Variants in PRRC2A observed in about 807,000 individuals in gnomAD.
PRRC2A encodes proline rich coiled-coil 2A.
Under a neutral mutation model 224.6 loss-of-function variants are expected in PRRC2A, and 59 were observed. That is an observed-to-expected ratio of 0.26 (90% CI 0.21 to 0.33). The LOEUF is 0.33. PRRC2A is among the 10% of genes least tolerant of loss of function. The pLI is 1.00. For missense variants in PRRC2A, 3,095 were observed against 2,880.7 expected (o/e 1.07, Z -1.70); for synonymous variants, 1,194 against 1,109.5 (o/e 1.08, Z -1.51).
intron 2 of PRRC2A, among the ~76,000 whole-genome samples, 197 bp from the exon 3 acceptor site, chr6:31,623,535 G>A (rs1233818048): frequency 1.3e-5 from 2 of 152,106 alleles, no homozygotes; most frequent in Admixed American, 6.5e-5. Flanking sequence ...CCAAAGTGCT[G>A]GGATTGCAAA....
At position 31,630,694 on chromosome 6, in the gene PRRC2A, T is replaced by A; in HGVS notation, c.2358T>A (p.Asp786Glu). Reference sequence around the variant, plus strand: ...GGGAACGGGGCACTCCACCGGTGGATCCAAAGTTGGCCTGGGTAGGAGATG... The same window carrying A: ...GGGAACGGGGCACTCCACCGGTGGAACCAAAGTTGGCCTGGGTAGGAGATG... ...MLRERGTPPV[D>E]PKLAWVGDVF... is the part of the protein sequence containing the mutation. Residue 786 changes from aspartate (D) to glutamate (E), a missense_variant, in exon 15 of 31, where the codon GAT becomes GAA. Physicochemically the swap from Asp to Glu is conservative, Grantham distance 45 (BLOSUM62 2). Coordinates refer to ENST00000376033, the MANE Select transcript of PRRC2A (RefSeq NM_004638.4). The A allele has an allele frequency of 6.2e-7, 1 of 1,614,044 alleles. No individual in the cohort carries two copies. Among genetic ancestry groups the A allele is most frequent in the Non-Finnish European group, 8.5e-7 (1 of 1,180,010 alleles).
chr6:31,628,103 G>C lies in PRRC2A; in HGVS notation c.1629G>C (p.Glu543Asp), dbSNP rs1430186821. 1.9e-6 allele frequency: 3 copies of C among 1,613,076 alleles called. No individual in the cohort carries two copies. Among genetic ancestry groups the C allele is most frequent in the Non-Finnish European group, 2.5e-6 (3 of 1,179,970 alleles). ...APPPASAPTP[E>D]TEPEEPAQAP... Reference sequence around the variant, plus strand: ...CTCCAGCATCAGCCCCAACACCAGAGACAGAACCTGAAGAGCCAGCACAGG... The same window carrying C: ...CTCCAGCATCAGCCCCAACACCAGACACAGAACCTGAAGAGCCAGCACAGG... The change falls in exon 12 of 31, where the codon GAG becomes GAC. Residue 543 changes from glutamate (E) to aspartate (D), a missense_variant. Physicochemically the swap from Glu to Asp is conservative, Grantham distance 45 (BLOSUM62 2). Around this residue, in one of 8 missense-constraint regions of PRRC2A, gnomAD observed 2,001 missense variants for 1,764.9 expected, o/e 1.13. Transcript: ENST00000376033.
Position 31,636,130 on chromosome 6 carries a change from G to C in PRRC2A, c.5625-79G>C, listed in dbSNP as rs146143170. 1 of 1,545,312 alleles carries C rather than the reference G, an allele frequency of 6.5e-7. No individual in the cohort carries two copies. Among genetic ancestry groups the C allele is most frequent in the Non-Finnish European group, 8.9e-7 (1 of 1,117,766 alleles). The stretch of plus-strand genomic sequence containing the variant: ...GGGAAGGGGAAGACACAGTTCTAGG[G>C]TACTAGAAGCTAGTGGACTTAAGGC... On this transcript the variant is annotated intron_variant, in intron 25 of 30. Coordinates refer to ENST00000376033, the MANE Select transcript of PRRC2A (RefSeq NM_004638.4). The surrounding 1 kb of genome is among the most constrained non-coding windows in gnomAD (Gnocchi z 4.3).
At chr6:31,622,603 T>C (rs1311855406) in intron 1 of PRRC2A, 87 bp from the exon 2 acceptor site, 2 of 555,082 alleles carry the variant, frequency 3.6e-6, no homozygotes, top group Non-Finnish European at 6.3e-6. Flanking sequence ...TTACATAGAC[T>C]GGAGGAAAAG....
At chr6:31,628,891 T>A in intron 12 of PRRC2A, 2 of 474,736 alleles carry the variant, frequency 4.2e-6, no homozygotes. Flanking sequence ...TGAAAACTAT[T>A]TCCTATAGGC....
Position 31,633,958 on chromosome 6 carries a change from G to A in PRRC2A, c.4688G>A (p.Arg1563Gln), listed in dbSNP as rs11538263. The A allele has an allele frequency of 0.039, 62,232 of 1,603,436 alleles. 1,379 individuals are homozygous for A. Among genetic ancestry groups the A allele is most frequent in the Non-Finnish European group, 0.045 (52,817 of 1,177,478 alleles). Reference protein sequence around the residue: ...VSPFPPKRRERPPRKPELLQE... With the variant: ...VSPFPPKRREQPPRKPELLQE... ...CCCTTTCCCCCTAAACGTCGGGAGC[G>A]GCCTCCCAGAAAACCAGAGCTGCTA... is the stretch of plus-strand genomic sequence containing the variant. Residue 1563 changes from arginine (R) to glutamine (Q), a missense_variant, in exon 18 of 31, where the codon CGG (arginine) becomes CAG (glutamine). Physicochemically the swap from Arg to Gln is conservative, Grantham distance 43. Transcript: ENST00000376033.
At chr6:31,623,088 A>G in intron 2 of PRRC2A, 187 bp downstream of exon 2, 1 of 763,376 alleles carries the variant, frequency 1.3e-6, no homozygotes, top group Non-Finnish European at 2.4e-6. Flanking sequence ...ATCCTCCTAC[A>G]AAGGCGTGTC....
In PRRC2A at chr6:31,635,403, T is replaced by C. The variant is rs1352261418; in HGVS notation, c.5311T>C (p.Leu1771=). Residue 1771 remains leucine, a synonymous_variant, in exon 23 of 31, where the codon TTA becomes CTA. Transcript: ENST00000376033. ...QFGTSDKDSD[L]RLVVGDSLKA... ...CTTCTTGTGATCACAGGACTCAGAC[T>C]TACGCCTAGTGGTAGGAGACAGCTT... 1 of 1,614,080 alleles carries C rather than the reference T, an allele frequency of 6.2e-7. No individual in the cohort carries two copies. The highest frequency in any genetic ancestry group is 2.2e-5 in the East Asian group (1 of 44,904).
intron 2 of PRRC2A, chr6:31,623,223 T>A: frequency 1.5e-6 from 1 of 645,412 alleles, no homozygotes; most frequent in Non-Finnish European, 2.9e-6. Context: ...GTATTGAATG[T>A]TACATATCTC....
chr6:31,633,236 G>A (rs1776888176), intron 16 of PRRC2A, 143 bp from the exon 17 acceptor site: 5 of 1,244,682 alleles, frequency 4.0e-6, no homozygotes, highest in Non-Finnish European at 4.5e-6. Context: ...GCATCTGTAT[G>A]CATAGGAATC....
rs1322035557 is a variant in PRRC2A, at chr6:31,635,548, A to G, written c.5374-34A>G. 1.9e-6 allele frequency: 3 copies of G among 1,611,378 alleles called. No individual in the cohort carries two copies. In the South Asian group the frequency reaches 3.3e-5, roughly 18 times the overall value. On this transcript the variant is annotated intron_variant, in intron 23 of 30. Transcript: ENST00000376033. ...GAGTGACCAGGGCGTCCAGGATGCC[A>G]GACATCCCTCTCCACGAGGCCTCTC... is the stretch of plus-strand genomic sequence containing the variant.
chr6:31,629,007 A>AG, intron 12 of PRRC2A, 137 bp from the exon 13 acceptor site: 7 of 879,012 alleles, frequency 8.0e-6, no homozygotes, highest in Non-Finnish European at 1.3e-5. Flanking sequence ...CTTAAATGGG[A>AG]GGGGCTTCAA....
rs545938957 is a variant in PRRC2A at position 31,631,966 on chromosome 6, C to A, written c.3293C>A (p.Pro1098His). 6.2e-7 allele frequency: 1 copy of A among 1,612,756 alleles called. No homozygotes were observed. Among genetic ancestry groups the A allele is most frequent in the Non-Finnish European group, 8.5e-7 (1 of 1,179,870 alleles). The change falls in exon 16 of 31, where the codon CCC (proline) becomes CAC (histidine). Residue 1098 changes from proline to histidine, a missense_variant. Physicochemically the swap from Pro to His is moderately conservative, Grantham distance 77. Around this residue, in one of 8 missense-constraint regions of PRRC2A, gnomAD observed 2,001 missense variants for 1,764.9 expected, o/e 1.13. Coordinates refer to ENST00000376033, the MANE Select transcript of PRRC2A (RefSeq NM_004638.4). This position sits in a 1 kb window ranked among gnomAD's most constrained non-coding sequence, Gnocchi z 4.5. The part of the protein sequence containing the change: ...RSEGSEYEEI[P>H]KRRRQRGSET... Reference sequence around the variant, plus strand: ...GAGGGTTCAGAGTATGAGGAAATCCCCAAGCGGCGCCGGCAGCGGGGCTCA... The same window carrying A: ...GAGGGTTCAGAGTATGAGGAAATCCACAAGCGGCGCCGGCAGCGGGGCTCA...
chr6:31,637,719 G>A lies in PRRC2A; in HGVS notation c.*133G>A, dbSNP rs1777733641. ...CTCCTCCCCCTTCCCCTGGTCCCCT[G>A]TCCCTGGGGCTGTTTGTTAAAAAAG... On this transcript the variant is annotated 3_prime_UTR_variant, in exon 31 of 31. Coordinates refer to ENST00000376033, the MANE Select transcript of PRRC2A (RefSeq NM_004638.4). 2.0e-6 allele frequency: 1 copy of A among 507,760 alleles called. No homozygotes were observed. The highest frequency in any genetic ancestry group is 3.3e-6 in the Non-Finnish European group (1 of 301,430). 31.5% of individuals were successfully genotyped at this position (507,760 alleles called of 1,614,324 possible).
intron 18 of PRRC2A, 74 bp downstream of exon 18, chr6:31,634,063 G>C: frequency 6.3e-7 from 1 of 1,581,442 alleles, no homozygotes; most frequent in East Asian, 2.2e-5. Context: ...TGTTTTCTCT[G>C]TTTTCTTTCC....
intron 9 of PRRC2A, among the ~76,000 whole-genome samples, chr6:31,626,512 G>T (rs186928898): frequency 1.6e-3 from 244 of 151,736 alleles, no homozygotes; most frequent in African/African-American, 5.6e-3. Context: ...AGCTATGATC[G>T]TGCCACTGAA....
Position 31,620,747 on chromosome 6 carries a change from G to T in PRRC2A, c.-212G>T, listed in dbSNP as rs1223883738. 2.6e-5 allele frequency: 4 copies of T among 152,170 alleles called. No individual in the cohort carries two copies. Among genetic ancestry groups the T allele is most frequent in the Admixed American group, 2.6e-4 (4 of 15,286 alleles). The allele number at this position is 152,170 out of a possible 1,614,324, so 9.4% of individuals were successfully genotyped here. ...GCTCAGCCGCGGAGTGAGCGAGGGA[G>T]ACGGGAGGAGCCGAACCCGGCGCCA... On this transcript the variant is annotated 5_prime_UTR_variant, in exon 1 of 31. Transcript: ENST00000376033.
At position 31,637,557 on chromosome 6, in the gene PRRC2A, A is replaced by G; in HGVS notation, c.6445A>G (p.Lys2149Glu). The G allele has an allele frequency of 6.3e-7, 1 of 1,592,048 alleles. No individual in the cohort carries two copies. Among genetic ancestry groups the G allele is most frequent in the Non-Finnish European group, 8.5e-7 (1 of 1,170,108 alleles). Residue 2149 changes from lysine to glutamate, a missense_variant, in exon 31 of 31, where the codon AAG (lysine) becomes GAG (glutamate). Transcript: ENST00000376033. ...RAEEPGSRGD[K>E]EPGLPPPR ...AGAGGAGCCTGGGTCCCGAGGGGAC[A>G]AGGAGCCTGGGTTGCCCCCACCCCG... is the stretch of plus-strand genomic sequence containing the variant.
chr6:31,622,852 C>G lies in PRRC2A; in HGVS notation c.63C>G (p.Asn21Lys), dbSNP rs1353014176. The change falls in exon 2 of 31, where the codon AAC becomes AAG. Residue 21 changes from asparagine (N) to lysine (K), a missense_variant. Around this residue, in one of 8 missense-constraint regions of PRRC2A, gnomAD observed 64 missense variants for 68.2 expected, o/e 0.94. Coordinates refer to ENST00000376033, the MANE Select transcript of PRRC2A (RefSeq NM_004638.4). ...ATGGAAAGAAGTATTCCTCGCTCAACCTGTTTGATACGTATAAGGGCAAGT... is the reference window on the plus strand; with the variant it reads ...ATGGAAAGAAGTATTCCTCGCTCAAGCTGTTTGATACGTATAAGGGCAAGT... ...GKDGKKYSSL[N>K]LFDTYKGKSL... The G allele has an allele frequency of 1.2e-6, 2 of 1,614,064 alleles. No homozygotes were observed. Among genetic ancestry groups the G allele is most frequent in the Admixed American group, 1.7e-5 (1 of 59,984 alleles).
Sources: gnomAD v4.1 joint callset for allele counts (sites outside exome capture counted in the v4.1 genomes callset) on GRCh38, gnomAD v4.1.1 for gene constraint, gnomAD v4.1.1 regional missense constraint, Gnocchi (gnomAD v3.1) non-coding constraint, MANE v1.5 for transcripts, NCBI Gene and HGNC (gene_info 2026-07-23, HGNC 2026-07-21) for gene names.